ADAMTS12: variants seen among roughly 807,000 people sequenced by gnomAD.
The protein encoded by ADAMTS12 is ADAM metallopeptidase with thrombospondin type 1 motif 12.
In ADAMTS12, 118 loss-of-function variants were observed where a neutral mutation model predicts 167.8. That is an observed-to-expected ratio of 0.70 (90% CI 0.61 to 0.82). The LOEUF (loss-of-function observed/expected upper bound fraction) is 0.82, where lower values mean the gene tolerates loss of function less well. Among genes scored for constraint, ADAMTS12 ranks in the 40% least tolerant of loss-of-function variants. The pLI is 0.00. For synonymous variants in ADAMTS12, 704 were observed against 716.9 expected, an observed-to-expected ratio of 0.98 and a Z score of 0.29; for missense variants, 1,916 against 1,998.8, an observed-to-expected ratio of 0.96 and a Z score of 0.79.
At chr5:33,788,480 C>G (rs1246926842) in intron 2 of ADAMTS12, among the ~76,000 whole-genome samples, 2 of 152,024 alleles carry the variant, frequency 1.3e-5, no homozygotes, top group Non-Finnish European at 2.9e-5. Context: ...AAAGGTAGGA[C>G]TGCTAAAATA....
At chr5:33,660,211 A>G (rs988332598) in intron 6 of ADAMTS12, among the ~76,000 whole-genome samples, 20 of 152,202 alleles carry the variant, frequency 1.3e-4, no homozygotes, top group Admixed American at 2.0e-4. Flanking sequence ...GAAAGTGACT[A>G]TAAGAAAAAA....
At chr5:33,600,821 A>G (rs924640029) in intron 16 of ADAMTS12, among the ~76,000 whole-genome samples, 1 of 152,224 alleles carries the variant, frequency 6.6e-6, no homozygotes, top group Non-Finnish European at 1.5e-5. Context: ...TGACTCAATA[A>G]AGAGCTTGTC....
At chr5:33,602,102 C>G (rs1317566833) in intron 16 of ADAMTS12, among the ~76,000 whole-genome samples, 1 of 152,176 alleles carries the variant, frequency 6.6e-6, no homozygotes, top group Non-Finnish European at 1.5e-5. Flanking sequence ...TTCCACAGAG[C>G]ACACCGAGCA....
intron 18 of ADAMTS12, among the ~76,000 whole-genome samples, chr5:33,586,354 A>T (rs1251752219): frequency 6.6e-6 from 1 of 152,238 alleles, no homozygotes; most frequent in Non-Finnish European, 1.5e-5. Flanking sequence ...TACTGATTTA[A>T]CTAAAAGCAC....
At chr5:33,765,580 G>A (rs1409958131) in intron 2 of ADAMTS12, among the ~76,000 whole-genome samples, 1 of 152,112 alleles carries the variant, frequency 6.6e-6, no homozygotes, top group African/African-American at 2.4e-5. Context: ...CCCTGATCAA[G>A]GCAATGTTCT....
chr5:33,529,694 T>C (rs1282964949), intron 23 of ADAMTS12, among the ~76,000 whole-genome samples: 1 of 152,198 alleles, frequency 6.6e-6, no homozygotes, highest in Non-Finnish European at 1.5e-5. Context: ...TAACTGTGCC[T>C]TATTTTTGTG....
chr5:33,709,300 C>T (rs1445815828), intron 3 of ADAMTS12, among the ~76,000 whole-genome samples: 2 of 152,160 alleles, frequency 1.3e-5, no homozygotes, highest in East Asian at 3.8e-4. Flanking sequence ...TGTGGTGATT[C>T]CTCAAAGACC....
chr5:33,777,276 T>C (rs1043035375), intron 2 of ADAMTS12, among the ~76,000 whole-genome samples: 5 of 152,018 alleles, frequency 3.3e-5, no homozygotes, highest in Non-Finnish European at 7.4e-5. Flanking sequence ...AAAAAATCCT[T>C]AACAAAATAT....
At chr5:33,672,018 T>C (rs535575724) in intron 5 of ADAMTS12, among the ~76,000 whole-genome samples, 2 of 127,718 alleles carry the variant, frequency 1.6e-5, no homozygotes, top group Admixed American at 8.2e-5. Context: ...TACACACACA[T>C]CCACATACAT....
intron 2 of ADAMTS12, among the ~76,000 whole-genome samples, chr5:33,795,506 G>C (rs902240345): frequency 1.3e-5 from 2 of 152,060 alleles, no homozygotes; most frequent in Non-Finnish European, 2.9e-5. Flanking sequence ...ATCTATTCAC[G>C]TAGCACTGAA....
chr5:33,647,646 G>C (rs1740724957), intron 9 of ADAMTS12, among the ~76,000 whole-genome samples: 1 of 152,178 alleles, frequency 6.6e-6, no homozygotes, highest in Non-Finnish European at 1.5e-5. Flanking sequence ...TACGAGAATT[G>C]CTTGAACTGG....
In ADAMTS12 at chr5:33,831,368, C is replaced by A. The variant is rs536159698; in HGVS notation, c.489+49751G>T. On this transcript the variant is annotated intron_variant, in intron 2 of 23. Transcript: ENST00000504830. ...TGCATTCTGCTTCCAGACTCCACCA[C>A]TAAAACCACTCTACTATACTGTCTC... Among the ~76,000 whole-genome samples, 7 of 152,302 alleles carry A rather than the reference C, an allele frequency of 4.6e-5. No individual in the cohort carries two copies. In the South Asian group the frequency reaches 1.2e-3, roughly 27 times the overall value.
At chr5:33,769,661 T>C (rs936976784) in intron 2 of ADAMTS12, among the ~76,000 whole-genome samples, 2 of 152,226 alleles carry the variant, frequency 1.3e-5, no homozygotes, top group Admixed American at 6.5e-5. Flanking sequence ...TTATTTTTTC[T>C]ACTGGGAAGA....
chr5:33,546,209 C>T lies in ADAMTS12; in HGVS notation c.4303-7G>A, dbSNP rs1744977850. Reference sequence around the variant, plus strand: ...CTCCACAGGACCTGGAGCACTGATACACAGCAGTGACAAGATTAGGTAAAA... The same window carrying T: ...CTCCACAGGACCTGGAGCACTGATATACAGCAGTGACAAGATTAGGTAAAA... On this transcript the variant is annotated splice_region_variant and splice_polypyrimidine_tract_variant and intron_variant, in intron 21 of 23. Transcript: ENST00000504830. 1.9e-6 allele frequency: 3 copies of T among 1,606,200 alleles called. No individual in the cohort carries two copies. Among genetic ancestry groups the T allele is most frequent in the South Asian group, 2.2e-5 (2 of 89,112 alleles).
chr5:33,800,439 A>G (rs2112471348), intron 2 of ADAMTS12, among the ~76,000 whole-genome samples: 1 of 152,334 alleles, frequency 6.6e-6, no homozygotes, highest in East Asian at 1.9e-4. Flanking sequence ...AGAGCTCAAT[A>G]CTACACAAAC....
At chr5:33,639,932 C>T (rs183045920) in intron 11 of ADAMTS12, among the ~76,000 whole-genome samples, 1 of 152,280 alleles carries the variant, frequency 6.6e-6, no homozygotes, top group East Asian at 1.9e-4. Flanking sequence ...TTTGTTGATT[C>T]CCTTTAGGAG....
chr5:33,801,978 G>A (rs1451129261), intron 2 of ADAMTS12, among the ~76,000 whole-genome samples: 1 of 152,212 alleles, frequency 6.6e-6, no homozygotes, highest in African/African-American at 2.4e-5. Flanking sequence ...AGGGCTTTGG[G>A]AAGGCGATCA....
At chr5:33,606,960 A>G (rs1344471732) in intron 16 of ADAMTS12, among the ~76,000 whole-genome samples, 1 of 152,240 alleles carries the variant, frequency 6.6e-6, no homozygotes, top group African/African-American at 2.4e-5. Flanking sequence ...CAGTTCAATA[A>G]CAGAAAATCT....
chr5:33,614,258 C>T lies in ADAMTS12; in HGVS notation c.2507G>A (p.Cys836Tyr). 4 of 1,613,922 alleles carry T rather than the reference C, an allele frequency of 2.5e-6. No homozygotes were observed. Among genetic ancestry groups the T allele is most frequent in the South Asian group, 1.1e-5 (1 of 91,042 alleles). The change falls in exon 16 of 24, where the codon TGC becomes TAC. Residue 836 changes from cysteine (C) to tyrosine (Y), a missense_variant. Coordinates refer to ENST00000504830, the MANE Select transcript of ADAMTS12 (RefSeq NM_030955.4). ...CTCACCTGTCCCGCAGGTCACACTG[C>T]ACTCTGTCCAGTGGCCGTACTGCCA... ...YFWQYGHWTE[C>Y]SVTCGTGIRR...
Sources: allele counts gnomAD v4.1 joint callset (sites outside exome capture counted in the v4.1 genomes callset), GRCh38; gene constraint gnomAD v4.1.1; transcripts MANE v1.5; gene names NCBI Gene and HGNC (gene_info 2026-07-23, HGNC 2026-07-21).